Variants in DSG4 observed in about 807,000 individuals in gnomAD.
DSG4 encodes desmoglein-4.
Under a neutral mutation model 93.1 loss-of-function variants are expected in DSG4, and 87 were observed. The ratio of observed to expected loss-of-function variants is 0.93; its 90% CI spans 0.79 to 1.12. DSG4 has a LOEUF of 1.12. DSG4 is among the 50% of genes most tolerant of loss of function. The pLI is 0.00. For missense variants in DSG4, 1,373 were observed against 1,285.7 expected (o/e 1.07, Z -1.04); for synonymous variants, 432 against 452.9 (o/e 0.95, Z 0.59).
intron 10 of DSG4, 101 bp downstream of exon 10, chr18:31,401,121 T>C (rs2072361591): frequency 1.0e-5 from 11 of 1,053,812 alleles, no homozygotes; most frequent in African/African-American, 1.6e-5. Flanking sequence ...ACATTTTTAA[T>C]GGTGTATGCA....
chr18:31,395,691 T>A (rs1285273245), intron 8 of DSG4, among the ~76,000 whole-genome samples: 3 of 152,118 alleles, frequency 2.0e-5, no homozygotes, highest in Non-Finnish European at 4.4e-5. Flanking sequence ...CTTCTCTTAG[T>A]CTGAGGAAAT....
At chr18:31,393,719 T>G (rs1175373260) in intron 8 of DSG4, among the ~76,000 whole-genome samples, 1 of 152,176 alleles carries the variant, frequency 6.6e-6, no homozygotes, top group Non-Finnish European at 1.5e-5. Context: ...TTTTTTCAGA[T>G]AGCATATTAG....
chr18:31,412,509 T>G (rs1460881184), intron 15 of DSG4, among the ~76,000 whole-genome samples: 1 of 152,214 alleles, frequency 6.6e-6, no homozygotes, highest in East Asian at 1.9e-4. Context: ...AGAACTAAAA[T>G]AGAACTAGAA....
intron 8 of DSG4, among the ~76,000 whole-genome samples, chr18:31,393,758 A>G (rs948375742): frequency 4.6e-5 from 7 of 152,166 alleles, no homozygotes; most frequent in Admixed American, 4.6e-4. Flanking sequence ...GGAAGCAAAC[A>G]TATCGTTTAT....
In DSG4 at chr18:31,406,184, G is replaced by A. The variant is rs1363896096; in HGVS notation, c.1744G>A (p.Val582Met). Residue 582 changes from valine (V) to methionine (M), a missense_variant, in exon 12 of 16, where the codon GTG (valine) becomes ATG (methionine). Transcript: ENST00000308128. ...CAGAGCATGTGAATTGGCACAAATG[G>A]TGCAGTTATATGCCTGTGATTGCGA... ...YNRACELAQM[V>M]QLYACDCDDN... The A allele has an allele frequency of 1.2e-6, 2 of 1,613,982 alleles. No individual in the cohort carries two copies. The highest frequency in any genetic ancestry group is 1.3e-5 in the African/African-American group (1 of 74,876).
At chr18:31,384,123 T>A (rs183086145) in intron 1 of DSG4, among the ~76,000 whole-genome samples, 24 of 152,280 alleles carry the variant, frequency 1.6e-4, no homozygotes, top group African/African-American at 5.8e-4. Context: ...AAAACAGAAT[T>A]GGTTCTGAAG....
chr18:31,389,082 A>G (rs971682308), intron 5 of DSG4, 64 bp downstream of exon 5: 6 of 1,577,378 alleles, frequency 3.8e-6, no homozygotes, highest in Non-Finnish European at 5.2e-6. Context: ...CAAAAGCTTT[A>G]GAGGACTGAC....
intron 5 of DSG4, among the ~76,000 whole-genome samples, chr18:31,390,384 C>T (rs1318949408): frequency 6.6e-6 from 1 of 152,036 alleles, no homozygotes; most frequent in Non-Finnish European, 1.5e-5. Flanking sequence ...ACTTCTTTTT[C>T]GTACTTTAAA....
In DSG4 at chr18:31,392,258, T is replaced by A; in HGVS notation, c.923T>A (p.Leu308Ter). The A allele has an allele frequency of 6.2e-7, 1 of 1,613,842 alleles. No individual in the cohort carries two copies. The highest frequency in any genetic ancestry group is 1.7e-5 in the Admixed American group (1 of 59,992). Residue 308 changes from leucine (L) to a stop codon, truncating the protein, a stop_gained, in exon 8 of 16, where the codon TTA (leucine) becomes TAA (stop). Coordinates refer to ENST00000308128, the MANE Select transcript of DSG4 (RefSeq NM_177986.5). LOFTEE classifies it high-confidence loss of function. ...ACTGATAACTGGTTGGCTCAATATT[T>A]AATTCTCTCTGGAAATGATGGGAAT... ...EGTDNWLAQY[L>*]ILSGNDGNWF...
rs1568064323 is a variant in DSG4, at chr18:31,391,066, A to T, written c.685-12A>T. Reference sequence around the variant, plus strand: ...AAACCTAAGTCTTACGTTCTTTTTCATCTTGATTAAGCAACACAGTATGTA... The same window carrying T: ...AAACCTAAGTCTTACGTTCTTTTTCTTCTTGATTAAGCAACACAGTATGTA... On this transcript the variant is annotated splice_polypyrimidine_tract_variant and intron_variant, in intron 6 of 15. Transcript: ENST00000308128. 1 of 1,613,484 alleles carries T rather than the reference A, an allele frequency of 6.2e-7. No individual in the cohort carries two copies. Among genetic ancestry groups the T allele is most frequent in the Non-Finnish European group, 8.5e-7 (1 of 1,179,638 alleles).
Position 31,408,181 on chromosome 18 carries a change from G to C in DSG4, c.1934-1271G>C, listed in dbSNP as rs549568681. Among the ~76,000 whole-genome samples the C allele has an allele frequency of 2.8e-4, 43 of 152,270 alleles. No homozygotes were observed. The South Asian group carries it at 4.1e-3, about 15-fold the overall frequency. ...GGGAGGGATCTGAGCCCAAACCTAT[G>C]TTCCCAAAGGGCCTCAAATTGACAC... On this transcript the variant is annotated intron_variant, in intron 12 of 15. Transcript: ENST00000308128.
At chr18:31,388,299 T>C in intron 3 of DSG4, 68 bp from the exon 4 acceptor site, 1 of 1,575,688 alleles carries the variant, frequency 6.3e-7, no homozygotes, top group Non-Finnish European at 8.7e-7. Flanking sequence ...ACTCCCTTCT[T>C]ATTCCACTAC....
At position 31,383,382 on chromosome 18, in the gene DSG4, C is replaced by T. The variant is rs531010739; in HGVS notation, c.49-1754C>T. On this transcript the variant is annotated intron_variant, in intron 1 of 15. Transcript: ENST00000308128. ...TGACTTCCAAATGTACACTTGATAT[C>T]GGCTTAATTGTTCCTATAAGAGTCT... 4.6e-5 allele frequency among the ~76,000 whole-genome samples: 7 copies of T among 152,202 alleles called. No individual in the cohort carries two copies. In the East Asian group the frequency reaches 7.7e-4, roughly 17 times the overall value.
At position 31,406,097 on chromosome 18, in the gene DSG4, G is replaced by A. The variant is rs1362696621; in HGVS notation, c.1657G>A (p.Ala553Thr). ...STNATSAILTAKQVLSPGFYE... is the reference protein window; with the variant it reads ...STNATSAILTTKQVLSPGFYE... ...TTCAGCTACCTCGGCAATCCTTACGGCTAAGCAGGTTTTATCTCCAGGATT... is the reference window on the plus strand; with the variant it reads ...TTCAGCTACCTCGGCAATCCTTACGACTAAGCAGGTTTTATCTCCAGGATT... The change falls in exon 12 of 16, where the codon GCT becomes ACT. Residue 553 changes from alanine (A) to threonine (T), a missense_variant. Transcript: ENST00000308128. The A allele has an allele frequency of 1.2e-6, 2 of 1,613,826 alleles. No individual in the cohort carries two copies. The highest frequency in any genetic ancestry group is 3.3e-5 in the Admixed American group (2 of 60,000).
chr18:31,385,146 A>G lies in DSG4; in HGVS notation c.59A>G (p.Glu20Gly), dbSNP rs911811526. 6.2e-7 allele frequency: 1 copy of G among 1,600,326 alleles called. No homozygotes were observed. Among genetic ancestry groups the G allele is most frequent in the Non-Finnish European group, 8.5e-7 (1 of 1,171,356 alleles). Residue 20 changes from glutamate (E) to glycine (G), a missense_variant, in exon 2 of 16, where the codon GAA becomes GGA. Physicochemically the swap from Glu to Gly is moderately conservative, Grantham distance 98. Transcript: ENST00000308128. ...CTTCTATCAAAACAGGTGGTGATGG[A>G]AGTAAACAGTGAATTTATTGTTGAG... is the stretch of plus-strand genomic sequence containing the variant. ...CLLIILMVVM[E>G]VNSEFIVEVK...
In DSG4 at chr18:31,388,900, G is replaced by T. The variant is rs371642087; in HGVS notation, c.399G>T (p.Arg133=). 1.6e-5 allele frequency: 26 copies of T among 1,613,480 alleles called. No individual in the cohort carries two copies. The highest frequency in any genetic ancestry group is 1.9e-5 in the Non-Finnish European group (22 of 1,179,656). ...TCTATTGCCGGGCTCTGAATTCACG[G>T]GGTGAAGATTTAGAAAGGCCTCTTG... ...FLIYCRALNS[R]GEDLERPLEL... is the part of the protein sequence containing the mutation. The change falls in exon 5 of 16, where the codon CGG becomes CGT. Residue 133 remains arginine, a synonymous_variant. Coordinates refer to ENST00000308128, the MANE Select transcript of DSG4 (RefSeq NM_177986.5).
At chr18:31,382,585 A>G (rs1304678534) in intron 1 of DSG4, among the ~76,000 whole-genome samples, 1 of 152,162 alleles carries the variant, frequency 6.6e-6, no homozygotes, top group Non-Finnish European at 1.5e-5. Context: ...CAAAACACTC[A>G]TTAACAGGTG....
intron 11 of DSG4, among the ~76,000 whole-genome samples, chr18:31,404,540 T>C (rs1035690461): frequency 4.6e-5 from 7 of 152,268 alleles, no homozygotes; most frequent in Admixed American, 4.6e-4. Flanking sequence ...TCGGTGGCCA[T>C]CAGACTACAG....
chr18:31,407,883 A>G (rs995834516), intron 12 of DSG4, among the ~76,000 whole-genome samples: 1 of 152,234 alleles, frequency 6.6e-6, no homozygotes, highest in South Asian at 2.1e-4. Flanking sequence ...TACTCATACT[A>G]GAGTCATACT....
Sources: gnomAD v4.1 joint callset for allele counts (sites outside exome capture counted in the v4.1 genomes callset) on GRCh38, gnomAD v4.1.1 for gene constraint, MANE v1.5 for transcripts, NCBI Gene and HGNC (gene_info 2026-07-23, HGNC 2026-07-21) for gene names.